The following BMPR1A variants were observed in gnomAD, a reference collection of about 807,000 sequenced individuals.
BMPR1A encodes bone morphogenetic protein receptor type 1A, also known as bone morphogenetic protein receptor type-1A.
BMPR1A carries 7 observed loss-of-function variants against 66.0 expected under a neutral mutation model. That is an observed-to-expected ratio of 0.11 (90% confidence interval 0.06 to 0.20). The LOEUF is 0.20. Among genes scored for constraint, BMPR1A ranks in the 10% least tolerant of loss-of-function variants. BMPR1A has a pLI of 1.00. For missense variants in BMPR1A, 408 were observed against 669.1 expected (o/e 0.61, Z 4.31); for synonymous variants, 200 against 229.7 (o/e 0.87, Z 1.17).
chr10:86,809,928 A>G (rs1365032004), intron 1 of BMPR1A, among the ~76,000 whole-genome samples: 1 of 151,784 alleles, frequency 6.6e-6, no homozygotes. Flanking sequence ...GCTCATCCAT[A>G]TAGCACGTAT....
Position 86,925,281 on chromosome 10 carries a change from A to C in BMPR1A, c.*1562A>C. 4.6e-6 allele frequency: 1 copy of C among 219,524 alleles called. No individual in the cohort carries two copies. Among genetic ancestry groups the C allele is most frequent in the Non-Finnish European group, 9.0e-6 (1 of 111,516 alleles). The allele number at this position is 219,524 out of a possible 1,614,324, so 13.6% of individuals were successfully genotyped here. On this transcript the variant is annotated 3_prime_UTR_variant, in exon 13 of 13. Transcript: ENST00000372037. Reference sequence around the variant, plus strand: ...TTCTGAGCAAACAATTCATGAGTACATCAAGTGAGATAGTTTTATTTGATT... The same window carrying C: ...TTCTGAGCAAACAATTCATGAGTACCTCAAGTGAGATAGTTTTATTTGATT...
chr10:86,919,127 C>T, intron 9 of BMPR1A, 45 bp from the exon 10 acceptor site: 1 of 1,606,588 alleles, frequency 6.2e-7, no homozygotes, highest in South Asian at 1.1e-5. Context: ...TCTCCCTAGC[C>T]TATCTCTGAT....
In BMPR1A at chr10:86,820,867, T is replaced by G. The variant is rs1296050175; in HGVS notation, c.-267-17998T>G. On this transcript the variant is annotated intron_variant, in intron 1 of 12. Transcript: ENST00000372037. ...TTGTCCTTTTTTGCAGTGTTTTAAA[T>G]AATAATCATCTTTTCACTTATTTTT... Among the ~76,000 whole-genome samples the G allele has an allele frequency of 2.0e-5, 3 of 152,144 alleles. No homozygotes were observed. The South Asian group carries it at 6.2e-4, about 32-fold the overall frequency.
At chr10:86,803,416 T>A (rs1380268063) in intron 1 of BMPR1A, among the ~76,000 whole-genome samples, 2 of 152,208 alleles carry the variant, frequency 1.3e-5, no homozygotes, top group African/African-American at 4.8e-5. Context: ...CATTTTTCTT[T>A]ATGGTTTTTA....
intron 1 of BMPR1A, among the ~76,000 whole-genome samples, chr10:86,817,007 CTT>C (rs1473556643): frequency 1.3e-5 from 2 of 152,216 alleles, no homozygotes; most frequent in African/African-American, 4.8e-5. Context: ...AAAAATGAGT[CTT>C]TGCGATAAAG....
intron 2 of BMPR1A, among the ~76,000 whole-genome samples, chr10:86,841,555 A>G (rs1842423865): frequency 6.6e-6 from 1 of 152,230 alleles, no homozygotes; most frequent in Non-Finnish European, 1.5e-5. Flanking sequence ...AGATTGCTGA[A>G]TAGAAATTGG....
chr10:86,757,085 C>T (rs1049588256), intron 1 of BMPR1A, among the ~76,000 whole-genome samples, 166 bp downstream of exon 1: 1 of 151,158 alleles, frequency 6.6e-6, no homozygotes, highest in African/African-American at 2.4e-5. Context: ...TGGGCCGGGA[C>T]CGCCCAGCCA....
At chr10:86,794,999 G>A (rs1293277558) in intron 1 of BMPR1A, among the ~76,000 whole-genome samples, 2 of 151,710 alleles carry the variant, frequency 1.3e-5, no homozygotes. Context: ...TTACAGGCAT[G>A]CACCACCACA....
intron 2 of BMPR1A, among the ~76,000 whole-genome samples, chr10:86,846,698 C>A (rs947830393): frequency 6.6e-6 from 1 of 151,898 alleles, no homozygotes; most frequent in Non-Finnish European, 1.5e-5. Flanking sequence ...AAGACTCTGT[C>A]CCCCGCCGCC....
At chr10:86,797,063 C>CTTTTTTT (rs1554879652) in intron 1 of BMPR1A, among the ~76,000 whole-genome samples, 2 of 113,976 alleles carry the variant, frequency 1.8e-5, no homozygotes, top group South Asian at 2.8e-4. Flanking sequence ...TTTTTCTTTT[C>CTTTTTTT]TTTTCTTTTT....
intron 2 of BMPR1A, among the ~76,000 whole-genome samples, chr10:86,865,434 TTGAC>T (rs1184381250): frequency 5.3e-5 from 8 of 152,166 alleles, no homozygotes; most frequent in Admixed American, 2.0e-4. Context: ...CAACTCCTCT[TTGAC>T]TGTAATTTTC....
chr10:86,907,888 A>G (rs1355606675), intron 7 of BMPR1A, among the ~76,000 whole-genome samples: 1 of 152,216 alleles, frequency 6.6e-6, no homozygotes, highest in Non-Finnish European at 1.5e-5. Context: ...TTACTAATAG[A>G]AGGAATAAGT....
chr10:86,779,839 C>T (rs1286365151), intron 1 of BMPR1A, among the ~76,000 whole-genome samples: 5 of 152,140 alleles, frequency 3.3e-5, no homozygotes, highest in Non-Finnish European at 5.9e-5. Context: ...TGGCCTTCAG[C>T]GATCTTTCAG....
intron 1 of BMPR1A, among the ~76,000 whole-genome samples, chr10:86,816,891 A>G (rs1260265389): frequency 1.3e-5 from 2 of 152,192 alleles, no homozygotes; most frequent in African/African-American, 4.8e-5. Flanking sequence ...AAATTCTAAC[A>G]GGAATTAACT....
chr10:86,872,347 A>G (rs1368679722), intron 2 of BMPR1A, among the ~76,000 whole-genome samples: 3 of 152,190 alleles, frequency 2.0e-5, no homozygotes. Context: ...TATATAATAT[A>G]TATAAAATCA....
intron 1 of BMPR1A, among the ~76,000 whole-genome samples, chr10:86,777,584 GA>G (rs556460653): frequency 3.5e-5 from 5 of 142,542 alleles, no homozygotes; most frequent in Non-Finnish European, 7.7e-5. Flanking sequence ...TGTCTCAAAA[GA>G]AAAAAAAAAG....
chr10:86,780,573 T>G (rs1302852410), intron 1 of BMPR1A, among the ~76,000 whole-genome samples: 1 of 152,150 alleles, frequency 6.6e-6, no homozygotes, highest in African/African-American at 2.4e-5. Flanking sequence ...TAGCTGGGAT[T>G]ACAGGCGTGC....
Position 86,917,086 on chromosome 10 carries a change from T to C in BMPR1A, c.676-48T>C. The C allele has an allele frequency of 1.9e-6, 3 of 1,597,604 alleles. No individual in the cohort carries two copies. In the East Asian group the frequency reaches 6.8e-5, roughly 36 times the overall value. On this transcript the variant is annotated intron_variant, in intron 8 of 12. Coordinates refer to ENST00000372037, the MANE Select transcript of BMPR1A (RefSeq NM_004329.3). ...TGGACTACCCCTTTGCCAGTCTTAA[T>C]GGGTTTCTTTCATCAAGAGCTCAAA...
chr10:86,787,941 A>C (rs1480974256), intron 1 of BMPR1A, among the ~76,000 whole-genome samples: 1 of 151,836 alleles, frequency 6.6e-6, no homozygotes, highest in African/African-American at 2.4e-5. Context: ...TCAGGATCAC[A>C]GTTCAACATG....
Sources: allele counts gnomAD v4.1 joint callset (sites outside exome capture counted in the v4.1 genomes callset), GRCh38; gene constraint gnomAD v4.1.1; transcripts MANE v1.5; gene names NCBI Gene and HGNC (gene_info 2026-07-23, HGNC 2026-07-21).